SPAG16: variants seen among roughly 807,000 people sequenced by gnomAD.
SPAG16 encodes sperm-associated antigen 16 protein.
SPAG16 carries 86 observed loss-of-function variants against 80.4 expected under a neutral mutation model. That is an observed-to-expected ratio of 1.07 (90% CI 0.90 to 1.28). SPAG16 has a LOEUF of 1.28. SPAG16 is among the 50% of genes most tolerant of loss of function. The pLI is 0.00. For synonymous variants in SPAG16, 294 were observed against 265.9 expected (o/e 1.11, Z -1.03); for missense variants, 870 against 765.3 (o/e 1.14, Z -1.61).
intron 15 of SPAG16, among the ~76,000 whole-genome samples, chr2:214,225,243 G>A (rs572379589): frequency 1.3e-5 from 2 of 152,180 alleles, no homozygotes; most frequent in African/African-American, 4.8e-5. Context: ...GCCAAATATT[G>A]TAGGGCCTTG....
chr2:213,466,226 T>C (rs1028066621), intron 9 of SPAG16, among the ~76,000 whole-genome samples: 3 of 152,172 alleles, frequency 2.0e-5, no homozygotes, highest in Non-Finnish European at 4.4e-5. Context: ...CCAATACTCC[T>C]TAATAAAGTC....
chr2:214,079,628 AT>A (rs1310499317), intron 13 of SPAG16, among the ~76,000 whole-genome samples: 1 of 152,188 alleles, frequency 6.6e-6, no homozygotes, highest in Non-Finnish European at 1.5e-5. Flanking sequence ...CTTAGGGCAA[AT>A]TGGAAAGCCA....
intron 11 of SPAG16, among the ~76,000 whole-genome samples, chr2:213,927,416 T>C (rs1016863239): frequency 6.6e-6 from 1 of 152,194 alleles, no homozygotes; most frequent in Admixed American, 6.5e-5. Context: ...TACCATTCTT[T>C]TTCTCTCTCT....
intron 10 of SPAG16, among the ~76,000 whole-genome samples, chr2:213,825,035 CATGTAGAA>C (rs1279834408): frequency 6.6e-6 from 1 of 151,688 alleles, no homozygotes; most frequent in Non-Finnish European, 1.5e-5. Flanking sequence ...ATACTGTTGG[CATGTAGAA>C]ATGTAGAAAT....
At chr2:213,865,440 C>T (rs192857347) in intron 11 of SPAG16, among the ~76,000 whole-genome samples, 50 of 151,382 alleles carry the variant, frequency 3.3e-4, no homozygotes, top group African/African-American at 8.9e-4. Flanking sequence ...ACAACACTTA[C>T]GAAGTTTATG....
chr2:213,788,053 T>A (rs1466375687), intron 10 of SPAG16, among the ~76,000 whole-genome samples: 1 of 151,968 alleles, frequency 6.6e-6, no homozygotes, highest in African/African-American at 2.4e-5. Context: ...TTGGATTGAA[T>A]CATCATTATA....
At chr2:213,865,128 T>C (rs1397312796) in intron 11 of SPAG16, among the ~76,000 whole-genome samples, 1 of 152,040 alleles carries the variant, frequency 6.6e-6, no homozygotes, top group Non-Finnish European at 1.5e-5. Context: ...ATTAACATGG[T>C]AGTATAATTA....
chr2:213,687,611 C>G (rs1205218520), intron 10 of SPAG16, among the ~76,000 whole-genome samples: 1 of 152,140 alleles, frequency 6.6e-6, no homozygotes, highest in Non-Finnish European at 1.5e-5. Flanking sequence ...TTGTTTTCTA[C>G]TAGAAATTGG....
intron 10 of SPAG16, among the ~76,000 whole-genome samples, chr2:213,603,791 A>G (rs1446198058): frequency 6.6e-6 from 1 of 152,192 alleles, no homozygotes; most frequent in Non-Finnish European, 1.5e-5. Context: ...CTGGCCTACC[A>G]TTCACACTCC....
At chr2:213,432,290 C>A (rs1469152941) in intron 9 of SPAG16, among the ~76,000 whole-genome samples, 5 of 151,824 alleles carry the variant, frequency 3.3e-5, no homozygotes, top group African/African-American at 1.2e-4. Context: ...AGAAGATCAA[C>A]AAAATGGAAA....
At chr2:213,833,476 A>ATATATT (rs1475446669) in intron 10 of SPAG16, among the ~76,000 whole-genome samples, 15 of 5,018 alleles carry the variant, frequency 3.0e-3, no homozygotes, top group Non-Finnish European at 4.8e-3. Flanking sequence ...TATATATAAT[A>ATATATT]ATATATATAT....
chr2:213,640,792 G>C (rs534973384), intron 10 of SPAG16, among the ~76,000 whole-genome samples: 1 of 151,722 alleles, frequency 6.6e-6, no homozygotes, highest in African/African-American at 2.4e-5. Context: ...GTTAAAGTTA[G>C]TAGAATTAGC....
At chr2:213,883,052 G>A (rs2076411785) in intron 11 of SPAG16, among the ~76,000 whole-genome samples, 1 of 152,060 alleles carries the variant, frequency 6.6e-6, no homozygotes, top group African/African-American at 2.4e-5. Context: ...ATTTTTAGTA[G>A]AGACGGGGTT....
At chr2:213,380,640 A>G (rs1032034479) in intron 9 of SPAG16, among the ~76,000 whole-genome samples, 4 of 152,200 alleles carry the variant, frequency 2.6e-5, no homozygotes, top group Non-Finnish European at 5.9e-5. Context: ...CCATAGTCAA[A>G]CATTCAGTTT....
intron 13 of SPAG16, among the ~76,000 whole-genome samples, chr2:214,044,100 C>A (rs892202890): frequency 4.6e-5 from 7 of 151,872 alleles, no homozygotes; most frequent in Non-Finnish European, 8.8e-5. Flanking sequence ...GTCTTGTTTT[C>A]TCTGTTTCTT....
At chr2:213,527,102 T>C (rs571897066) in intron 10 of SPAG16, among the ~76,000 whole-genome samples, 3 of 152,336 alleles carry the variant, frequency 2.0e-5, no homozygotes, top group East Asian at 1.9e-4. Flanking sequence ...CATGGATCAA[T>C]GTCTTTAGAC....
At chr2:213,427,144 T>C (rs2069983692) in intron 9 of SPAG16, among the ~76,000 whole-genome samples, 1 of 152,134 alleles carries the variant, frequency 6.6e-6, no homozygotes, top group African/African-American at 2.4e-5. Flanking sequence ...CACAGCATTG[T>C]CTGGCACCTG....
At chr2:214,065,739 C>T (rs1004840706) in intron 13 of SPAG16, among the ~76,000 whole-genome samples, 1 of 151,982 alleles carries the variant, frequency 6.6e-6, no homozygotes, top group Non-Finnish European at 1.5e-5. Flanking sequence ...ATGTGAGGGC[C>T]TGGTTAAAAT....
chr2:214,362,343 C>A (rs753537774), intron 15 of SPAG16, among the ~76,000 whole-genome samples: 9 of 151,766 alleles, frequency 5.9e-5, no homozygotes, highest in Non-Finnish European at 1.3e-4. Context: ...TATGGCCAAG[C>A]CTGAATTCCA....
Sources: allele counts gnomAD v4.1 joint callset (sites outside exome capture counted in the v4.1 genomes callset), GRCh38; gene constraint gnomAD v4.1.1; transcripts MANE v1.5; gene names NCBI Gene and HGNC (gene_info 2026-07-23, HGNC 2026-07-21).